TMEM238: variants seen among roughly 807,000 people sequenced by gnomAD.
TMEM238 encodes the protein transmembrane protein 238.
For synonymous variants in TMEM238, 103 were observed against 111.5 expected (o/e 0.92, Z 0.48); for missense variants, 169 against 206.8 (o/e 0.82, Z 1.12).
intron 1 of TMEM238, among the ~76,000 whole-genome samples, chr19:55,380,414 C>G (rs1302361241): frequency 9.2e-6 from 1 of 108,422 alleles, no homozygotes; most frequent in East Asian, 3.3e-4. Context: ...CCCCTCCCCT[C>G]CCCTCCTCTC....
intron 1 of TMEM238, among the ~76,000 whole-genome samples, chr19:55,382,845 C>T (rs10424959): frequency 1.7e-3 from 257 of 152,264 alleles, no homozygotes; most frequent in Non-Finnish European, 3.0e-3. Context: ...TCTTACTCCT[C>T]CTTTTCTAGG....
At chr19:55,381,173 C>T (rs1341289288) in intron 1 of TMEM238, among the ~76,000 whole-genome samples, 2 of 151,938 alleles carry the variant, frequency 1.3e-5, no homozygotes, top group Admixed American at 1.3e-4. Flanking sequence ...AATCCCAGCA[C>T]TTTGGGTGGC....
At chr19:55,380,465 C>T (rs1199281906) in intron 1 of TMEM238, among the ~76,000 whole-genome samples, 5 of 143,070 alleles carry the variant, frequency 3.5e-5, no homozygotes, top group Admixed American at 7.1e-5. Flanking sequence ...TGCTCTGTTG[C>T]CCAAGCTGGA....
At chr19:55,382,474 TGAAGACCCAGA>T (rs1309977561) in intron 1 of TMEM238, among the ~76,000 whole-genome samples, 15 of 152,146 alleles carry the variant, frequency 9.9e-5, no homozygotes, top group African/African-American at 2.4e-4. Context: ...TCAGACAATA[TGAAGACCCAGA>T]GAAGACCCAG....
chr19:55,379,440 G>C (rs1202142951), intron 1 of TMEM238, 73 bp from the exon 2 acceptor site: 1 of 152,122 alleles, frequency 6.6e-6, no homozygotes, highest in African/African-American at 2.4e-5. Context: ...CTCTGCCTGC[G>C]GGGGCAGAGG....
chr19:55,384,182 T>C lies in TMEM238; in HGVS notation c.78A>G (p.Ala26=). Residue 26 remains alanine, a synonymous_variant, in exon 1 of 2, where the codon GCA becomes GCG. Transcript: ENST00000444469. The surrounding 1 kb of genome is among the most constrained non-coding windows in gnomAD (Gnocchi z 5.6). ...GGCAGCGGCCCAGGCCGGCCGCGGG[T>C]GCTGGCGCGGCCGCCGGCGCGGACG... The part of the protein sequence containing the change: ...GAPSAPAAAP[A]PAAGLGRCRM... The C allele has an allele frequency of 8.5e-7, 1 of 1,178,678 alleles. No homozygotes were observed. Among genetic ancestry groups the C allele is most frequent in the South Asian group, 3.9e-5 (1 of 25,462 alleles). 73.0% of individuals were successfully genotyped at this position (1,178,678 alleles called of 1,614,324 possible).
intron 1 of TMEM238, among the ~76,000 whole-genome samples, chr19:55,381,443 A>G (rs921739822): frequency 1.4e-5 from 2 of 146,220 alleles, no homozygotes; most frequent in East Asian, 3.9e-4. Context: ...AAAAAAAAAA[A>G]GTTAATTATT....
rs1332393636 is a variant in TMEM238 at position 55,384,181 on chromosome 19, GT to G, written c.78del (p.Ala28ArgfsTer26). ...GAPSAPAAAPAPAAGLGRCRM... is the reference protein window; with the variant it reads ...GAPSAPAAAPXPAAGLGRCRM... ...CGGCAGCGGCCCAGGCCGGCCGCGG[GT>G]GCTGGCGCGGCCGCCGGCGCGGACG... On this transcript the variant is annotated frameshift_variant, in exon 1 of 2. Transcript: ENST00000444469. LOFTEE classifies it low-confidence loss of function (END_TRUNC). The surrounding 1 kb of genome is among the most constrained non-coding windows in gnomAD (Gnocchi z 5.6). 8.5e-7 allele frequency: 1 copy of G among 1,178,782 alleles called. No individual in the cohort carries two copies. Among genetic ancestry groups the G allele is most frequent in the East Asian group, 3.9e-5 (1 of 25,610 alleles). The allele number at this position is 1,178,782 out of a possible 1,614,324, so 73.0% of individuals were successfully genotyped here.
At chr19:55,380,019 C>T (rs373154012) in intron 1 of TMEM238, among the ~76,000 whole-genome samples, 13 of 151,708 alleles carry the variant, frequency 8.6e-5, no homozygotes, top group South Asian at 8.4e-4. Flanking sequence ...ATGGTGGTCT[C>T]GGAGGTTGTG....
chr19:55,384,091 A>G lies in TMEM238; in HGVS notation c.169T>C (p.Phe57Leu). The change falls in exon 1 of 2, where the codon TTC (phenylalanine) becomes CTC (leucine). Residue 57 changes from phenylalanine (F) to leucine (L), a missense_variant. By Grantham distance (22) the Phe-to-Leu change is conservative. Coordinates refer to ENST00000444469, the MANE Select transcript of TMEM238 (RefSeq NM_001190764.2). The surrounding 1 kb of genome is among the most constrained non-coding windows in gnomAD (Gnocchi z 5.6). ...CGGCCGCGCACCTGCAGCTGCGCGA[A>G]CACGCCGGTCAGCAGCGCCGCCATG... is the stretch of plus-strand genomic sequence containing the variant. ...AGMAALLTGV[F>L]AQLQVRGRDF... The G allele has an allele frequency of 6.8e-7, 1 of 1,469,564 alleles. No homozygotes were observed. The highest frequency in any genetic ancestry group is 9.0e-7 in the Non-Finnish European group (1 of 1,107,284). The allele number at this position is 1,469,564 out of a possible 1,614,324, so 91.0% of individuals were successfully genotyped here.
chr19:55,383,371 G>C lies in TMEM238; in HGVS notation c.*7+351C>G, dbSNP rs1048161466. Among the ~76,000 whole-genome samples the C allele has an allele frequency of 9.2e-5, 14 of 151,868 alleles. No individual in the cohort carries two copies. Among genetic ancestry groups the C allele is most frequent in the African/African-American group, 3.1e-4 (13 of 41,326 alleles). On this transcript the variant is annotated intron_variant, in intron 1 of 1. Transcript: ENST00000444469. The surrounding 1 kb of genome is among the most constrained non-coding windows in gnomAD (Gnocchi z 4.9). ...AGCCTGGGTGACAGTGAGAGATCCT[G>C]TCTCAAAACAACCCCAAACGACAAC...
At chr19:55,380,571 T>C (rs771176728) in intron 1 of TMEM238, among the ~76,000 whole-genome samples, 117 of 149,422 alleles carry the variant, frequency 7.8e-4, no homozygotes, top group Admixed American at 1.6e-3. Context: ...ATTACAGGCG[T>C]CCGCCACCAT....
intron 1 of TMEM238, among the ~76,000 whole-genome samples, chr19:55,380,725 T>G (rs533594584): frequency 1.4e-5 from 2 of 140,762 alleles, no homozygotes; most frequent in African/African-American, 5.4e-5. Flanking sequence ...ATGCCCAACC[T>G]CATAAAGGAT....
In TMEM238 at chr19:55,383,872, C is replaced by T. The variant is rs1305090129; in HGVS notation, c.388G>A (p.Gly130Ser). 4.0e-6 allele frequency: 4 copies of T among 1,003,214 alleles called. No homozygotes were observed. Among genetic ancestry groups the T allele is most frequent in the East Asian group, 6.6e-5 (1 of 15,160 alleles). The allele number at this position is 1,003,214 out of a possible 1,614,324, so 62.1% of individuals were successfully genotyped here. ...SRRWSAPAAA[G>S]QRPAPGSRRA... Reference sequence around the variant, plus strand: ...CGGGAGCCGGGCGCGGGGCGCTGGCCCGCGGCGGCGGGCGCCGACCAGCGG... The same window carrying T: ...CGGGAGCCGGGCGCGGGGCGCTGGCTCGCGGCGGCGGGCGCCGACCAGCGG... The change falls in exon 1 of 2, where the codon GGC becomes AGC. Residue 130 changes from glycine (G) to serine (S), a missense_variant. Transcript: ENST00000444469. This position sits in a 1 kb window ranked among gnomAD's most constrained non-coding sequence, Gnocchi z 4.9.
intron 1 of TMEM238, among the ~76,000 whole-genome samples, chr19:55,381,143 G>A (rs982902558): frequency 2.6e-5 from 4 of 152,082 alleles, no homozygotes; most frequent in African/African-American, 9.7e-5. Flanking sequence ...TTCCAGCCGG[G>A]CACGGTGGTT....
chr19:55,380,190 G>A (rs1600294279), intron 1 of TMEM238, among the ~76,000 whole-genome samples: 2 of 151,744 alleles, frequency 1.3e-5, no homozygotes, highest in Admixed American at 6.6e-5. Flanking sequence ...AGTGTGGTCT[G>A]AGTCTTTGGT....
chr19:55,384,225 C>T lies in TMEM238; in HGVS notation c.35G>A (p.Gly12Glu). 5 of 1,135,822 alleles carry T rather than the reference C, an allele frequency of 4.4e-6. No homozygotes were observed. The highest frequency in any genetic ancestry group is 3.2e-6 in the Non-Finnish European group (3 of 929,834). The allele number at this position is 1,135,822 out of a possible 1,614,324, so 70.4% of individuals were successfully genotyped here. ...CGCGGACGGTGCACCCGGCGGGCTC[C>T]CCTGCGAGGCGCACACCGCTGGCGC... is the stretch of plus-strand genomic sequence containing the variant. Reference protein sequence around the residue: ...AAAPAVCASQGSPPGAPSAPA... With the variant: ...AAAPAVCASQESPPGAPSAPA... Residue 12 changes from glycine (G) to glutamate (E), a missense_variant, in exon 1 of 2, where the codon GGG (glycine) becomes GAG (glutamate). Gly to Glu is a moderately conservative substitution (Grantham distance 98). Coordinates refer to ENST00000444469, the MANE Select transcript of TMEM238 (RefSeq NM_001190764.2). The surrounding 1 kb of genome is among the most constrained non-coding windows in gnomAD (Gnocchi z 5.6).
At chr19:55,382,156 T>TACC (rs1196385950) in intron 1 of TMEM238, among the ~76,000 whole-genome samples, 1 of 148,874 alleles carries the variant, frequency 6.7e-6, no homozygotes, top group Non-Finnish European at 1.5e-5. Flanking sequence ...CCCATCGATC[T>TACC]ACCCATCCAC....
chr19:55,380,313 TTGCCCGTCCCC>T (rs2089880862), intron 1 of TMEM238, among the ~76,000 whole-genome samples: 1 of 19,508 alleles, frequency 5.1e-5, no homozygotes, highest in Non-Finnish European at 9.0e-5. Flanking sequence ...CCCTCCCCCC[TTGCCCGTCCCC>T]TCCCCCTTCC....
Sources: gnomAD v4.1 joint callset for allele counts (sites outside exome capture counted in the v4.1 genomes callset) on GRCh38, gnomAD v4.1.1 for gene constraint, Gnocchi (gnomAD v3.1) non-coding constraint, MANE v1.5 for transcripts, NCBI Gene and HGNC (gene_info 2026-07-23, HGNC 2026-07-21) for gene names.